Variants in KIF26B observed in about 807,000 individuals in gnomAD.
KIF26B encodes kinesin-like protein KIF26B.
Under a neutral mutation model 151.2 loss-of-function variants are expected in KIF26B, and 63 were observed. The ratio of observed to expected loss-of-function variants is 0.42; its 90% confidence interval spans 0.34 to 0.51. KIF26B has a LOEUF of 0.51. Among genes scored for constraint, KIF26B ranks in the 20% least tolerant of loss-of-function variants. The probability of loss-of-function intolerance (pLI) is 0.07; values close to 1 mark genes in which losing one functional copy is unlikely to be tolerated. For missense variants in KIF26B, 2,813 were observed against 2,913.6 expected, an observed-to-expected ratio of 0.97 and a Z score of 0.79; for synonymous variants, 1,357 against 1,262.1, an observed-to-expected ratio of 1.08 and a Z score of -1.59.
chr1:245,369,775 T>C (rs868097099), intron 3 of KIF26B, among the ~76,000 whole-genome samples: 19 of 152,206 alleles, frequency 1.2e-4, no homozygotes, highest in African/African-American at 4.6e-4. Flanking sequence ...TTTCCAGATA[T>C]GGTTCCTTTT....
intron 2 of KIF26B, among the ~76,000 whole-genome samples, chr1:245,249,815 T>C (rs1295850166): frequency 6.6e-6 from 1 of 152,164 alleles, no homozygotes; most frequent in Non-Finnish European, 1.5e-5. Context: ...TGCACAGAAC[T>C]GATCTGGGAA....
At chr1:245,663,648 C>T (rs1436017944) in intron 10 of KIF26B, among the ~76,000 whole-genome samples, 1 of 152,132 alleles carries the variant, frequency 6.6e-6, no homozygotes, top group Non-Finnish European at 1.5e-5. Context: ...TTTACTTCTA[C>T]CAGGTGCCAG....
intron 5 of KIF26B, among the ~76,000 whole-genome samples, chr1:245,562,763 A>C (rs2042969426): frequency 6.6e-6 from 1 of 152,120 alleles, no homozygotes; most frequent in Admixed American, 6.6e-5. Flanking sequence ...GCTGGAGGGC[A>C]GTGGTGCAGT....
intron 3 of KIF26B, among the ~76,000 whole-genome samples, chr1:245,400,385 G>A (rs1387740591): frequency 6.6e-6 from 1 of 151,934 alleles, no homozygotes; most frequent in Admixed American, 6.6e-5. Context: ...TCTTAAAATG[G>A]CATATAATTT....
At position 245,439,725 on chromosome 1, in the gene KIF26B, G is replaced by A. The variant is rs559821152; in HGVS notation, c.1166+19980G>A. Among the ~76,000 whole-genome samples, 22 of 152,336 alleles carry A rather than the reference G, an allele frequency of 1.4e-4. No homozygotes were observed. In the South Asian group the frequency reaches 4.6e-3, roughly 32 times the overall value. ...AAAATAATTCAAATTATTCTTATGAGATGATAGACTTGGAGAAACTGTTTA... is the reference window on the plus strand; with the variant it reads ...AAAATAATTCAAATTATTCTTATGAAATGATAGACTTGGAGAAACTGTTTA... On this transcript the variant is annotated intron_variant, in intron 4 of 14. Coordinates refer to ENST00000407071, the MANE Select transcript of KIF26B (RefSeq NM_018012.4).
Position 245,156,487 on chromosome 1 carries a change from C to T in KIF26B, c.269C>T (p.Pro90Leu). The change falls in exon 2 of 15, where the codon CCC becomes CTC. Residue 90 changes from proline to leucine, a missense_variant. By Grantham distance (98) the Pro-to-Leu change is moderately conservative. Transcript: ENST00000407071. ...SFTGSPGPAS[P>L]GIGTSSPGSL... Reference sequence around the variant, plus strand: ...ACCGGCTCCCCGGGACCCGCCTCCCCCGGCATCGGCACTAGTTCGCCGGGC... The same window carrying T: ...ACCGGCTCCCCGGGACCCGCCTCCCTCGGCATCGGCACTAGTTCGCCGGGC... 1.3e-6 allele frequency: 2 copies of T among 1,526,616 alleles called. No homozygotes were observed. The highest frequency in any genetic ancestry group is 1.8e-6 in the Non-Finnish European group (2 of 1,140,478). The allele number at this position is 1,526,616 out of a possible 1,614,324, so 94.6% of individuals were successfully genotyped here.
rs1005268618 is a variant in KIF26B, at chr1:245,352,522, G to A, written c.466-14312G>A. Reference sequence around the variant, plus strand: ...AAAGTAATCCATCAACCTTGGCCTCGCCAAGTGCTGAGATTATAGGCGTGA... The same window carrying A: ...AAAGTAATCCATCAACCTTGGCCTCACCAAGTGCTGAGATTATAGGCGTGA... On this transcript the variant is annotated intron_variant, in intron 2 of 14. Transcript: ENST00000407071. This position sits in a 1 kb window ranked among gnomAD's most constrained non-coding sequence, Gnocchi z 5.0. Among the ~76,000 whole-genome samples the A allele has an allele frequency of 9.9e-5, 15 of 152,264 alleles. No homozygotes were observed. The highest frequency in any genetic ancestry group is 8.3e-4 in the South Asian group (4 of 4,820).
chr1:245,593,560 T>C (rs1367647734), intron 5 of KIF26B, among the ~76,000 whole-genome samples: 1 of 152,194 alleles, frequency 6.6e-6, no homozygotes, highest in Admixed American at 6.5e-5. Flanking sequence ...TTTTCTTTAT[T>C]CTGTCTATCA....
At chr1:245,188,334 T>C (rs1455587726) in intron 2 of KIF26B, among the ~76,000 whole-genome samples, 1 of 114,960 alleles carries the variant, frequency 8.7e-6, no homozygotes, top group Admixed American at 9.3e-5. Context: ...AGAACAGGGG[T>C]GTGGTCGGTG....
intron 3 of KIF26B, among the ~76,000 whole-genome samples, chr1:245,378,993 C>T (rs941364446): frequency 3.3e-5 from 5 of 152,164 alleles, no homozygotes; most frequent in African/African-American, 1.2e-4. Flanking sequence ...GAACCTTGAG[C>T]GCCATTTTCT....
intron 3 of KIF26B, among the ~76,000 whole-genome samples, chr1:245,394,262 C>T (rs981808695): frequency 6.6e-6 from 1 of 152,170 alleles, no homozygotes; most frequent in Admixed American, 6.5e-5. Flanking sequence ...ATTAGGGTTT[C>T]AGGAGAGAGC....
In KIF26B at chr1:245,564,375, G is replaced by A. The variant is rs189743303; in HGVS notation, c.1350+23425G>A. 7.4e-4 allele frequency among the ~76,000 whole-genome samples: 113 copies of A among 152,196 alleles called. No individual in the cohort carries two copies. The highest frequency in any genetic ancestry group is 3.4e-3 in the Middle Eastern group (1 of 294). On this transcript the variant is annotated intron_variant, in intron 5 of 14. Transcript: ENST00000407071. This position sits in a 1 kb window ranked among gnomAD's most constrained non-coding sequence, Gnocchi z 4.6. The stretch of plus-strand genomic sequence containing the variant: ...CTTCTACGACACGGAGACCTTTCCC[G>A]GAGCAGGAACGGGGCCACGGCCGTG...
chr1:245,643,454 C>T (rs533302565), intron 9 of KIF26B, among the ~76,000 whole-genome samples: 2 of 152,264 alleles, frequency 1.3e-5, no homozygotes, highest in Admixed American at 1.3e-4. Context: ...TATTATACCA[C>T]TTATATAAGG....
intron 3 of KIF26B, among the ~76,000 whole-genome samples, chr1:245,403,030 G>A (rs1173995): frequency 1.3e-5 from 2 of 151,978 alleles, no homozygotes; most frequent in Non-Finnish European, 2.9e-5. Context: ...GTGCAGAGGT[G>A]CAATCGTAGC....
chr1:245,699,439 A>C (rs1348552538), intron 14 of KIF26B, among the ~76,000 whole-genome samples: 4 of 152,022 alleles, frequency 2.6e-5, no homozygotes, highest in Non-Finnish European at 5.9e-5. Context: ...TAGAGTGTAC[A>C]GTCCTCGAAA....
chr1:245,489,582 A>G (rs1660353412), intron 4 of KIF26B, among the ~76,000 whole-genome samples: 1 of 152,118 alleles, frequency 6.6e-6, no homozygotes, highest in African/African-American at 2.4e-5. Context: ...ATTTAGTTTC[A>G]GTGTTAGCTA....
At chr1:245,673,372 CCCCGCTGCGCGCTGCCATCTTAGGCCCAG>C in intron 10 of KIF26B, among the ~76,000 whole-genome samples, 9 of 139,080 alleles carry the variant, frequency 6.5e-5, no homozygotes, top group Non-Finnish European at 1.4e-4. Flanking sequence ...TAGGCCCAGT[CCCCGCTGCGCGCTGCCATCTTAGGCCCAG>C]TCCCCGCTGC....
intron 4 of KIF26B, among the ~76,000 whole-genome samples, chr1:245,471,579 A>G (rs1260483210): frequency 2.0e-5 from 3 of 152,218 alleles, no homozygotes; most frequent in African/African-American, 7.2e-5. Context: ...TTACTGCACA[A>G]TAATATGTTC....
intron 2 of KIF26B, among the ~76,000 whole-genome samples, chr1:245,337,842 T>C (rs1377630845): frequency 6.6e-6 from 1 of 152,198 alleles, no homozygotes; most frequent in Non-Finnish European, 1.5e-5. Context: ...AAGCTCATGC[T>C]TGTGTTTCTT....
Sources: allele counts gnomAD v4.1 joint callset (sites outside exome capture counted in the v4.1 genomes callset), GRCh38; gene constraint gnomAD v4.1.1; non-coding constraint Gnocchi (gnomAD v3.1); transcripts MANE v1.5; gene names NCBI Gene and HGNC (gene_info 2026-07-23, HGNC 2026-07-21).